Variants in PTPRD observed in about 807,000 individuals in gnomAD.
PTPRD encodes the protein protein tyrosine phosphatase receptor type D.
A neutral mutation model predicts 214.5 loss-of-function variants in PTPRD; 34 were observed. The observed-to-expected ratio is 0.16, with a 90% CI of 0.12 to 0.21. The LOEUF (loss-of-function observed/expected upper bound fraction) is 0.21, where lower values mean the gene tolerates loss of function less well. PTPRD is among the 10% of genes least tolerant of loss of function. The pLI is 1.00. For missense variants in PTPRD, 2,545 were observed against 2,398.7 expected (o/e 1.06, Z -1.27); for synonymous variants, 1,128 against 845.7 (o/e 1.33, Z -5.79).
intron 28 of PTPRD, 165 bp from the exon 29 acceptor site, chr9:8,485,489 T>C: frequency 1.6e-6 from 1 of 623,390 alleles, no homozygotes. Context: ...TACCCCATTC[T>C]CACAGAGATC....
chr9:9,514,004 C>G (rs547408285), intron 8 of PTPRD, among the ~76,000 whole-genome samples: 9 of 152,050 alleles, frequency 5.9e-5, no homozygotes, highest in Admixed American at 2.0e-4. Flanking sequence ...GTTGCCTAAA[C>G]AAATTGCTTT....
rs2138511714 is a variant in PTPRD at position 8,518,087 on chromosome 9, A to C, written c.1304T>G (p.Leu435Trp). ...QARMLSSTTI[L>W]VQWKEPEEPN... ...CTCTTCAGGTTCCTTCCACTGTACC[A>C]AAATGGTGGTCGAACTCAACATTCG... Residue 435 changes from leucine (L) to tryptophan (W), a missense_variant, in exon 21 of 46, where the codon TTG (leucine) becomes TGG (tryptophan). Leu to Trp is a moderately conservative substitution (Grantham distance 61). Transcript: ENST00000381196. 6.2e-7 allele frequency: 1 copy of C among 1,614,188 alleles called. No individual in the cohort carries two copies.
At chr9:9,469,771 G>C (rs1312293496) in intron 8 of PTPRD, among the ~76,000 whole-genome samples, 1 of 152,018 alleles carries the variant, frequency 6.6e-6, no homozygotes, top group Non-Finnish European at 1.5e-5. Context: ...GGAAGTGTCT[G>C]TTCTTATTAT....
At chr9:9,831,870 T>G (rs753108465) in intron 5 of PTPRD, among the ~76,000 whole-genome samples, 23 of 152,010 alleles carry the variant, frequency 1.5e-4, no homozygotes, top group Non-Finnish European at 3.1e-4. Context: ...ATATTCTTTA[T>G]GCTAATTTGA....
chr9:9,739,577 C>T (rs554346055), intron 6 of PTPRD, among the ~76,000 whole-genome samples: 10 of 151,916 alleles, frequency 6.6e-5, no homozygotes, highest in African/African-American at 2.2e-4. Flanking sequence ...CTTGAATCCT[C>T]TATTTTTTTT....
At chr9:8,440,075 G>T (rs1201114263) in intron 34 of PTPRD, among the ~76,000 whole-genome samples, 1 of 149,662 alleles carries the variant, frequency 6.7e-6, no homozygotes, top group African/African-American at 2.5e-5. Flanking sequence ...GATTCATGAT[G>T]GGGGGCCTAT....
intron 14 of PTPRD, among the ~76,000 whole-genome samples, chr9:8,589,301 A>G (rs1303741647): frequency 6.6e-6 from 1 of 152,276 alleles, no homozygotes; most frequent in Admixed American, 6.5e-5. Context: ...ACCGATAAAC[A>G]CTAAAAGTCA....
At chr9:9,686,269 C>T (rs1454514119) in intron 7 of PTPRD, among the ~76,000 whole-genome samples, 1 of 145,430 alleles carries the variant, frequency 6.9e-6, no homozygotes, top group African/African-American at 2.5e-5. Flanking sequence ...AATTAATCCT[C>T]TCATATTTGA....
At chr9:10,315,601 C>T (rs1226929896) in intron 3 of PTPRD, among the ~76,000 whole-genome samples, 1 of 151,894 alleles carries the variant, frequency 6.6e-6, no homozygotes, top group Non-Finnish European at 1.5e-5. Flanking sequence ...TTTAGAGTGT[C>T]TCAATTTTAC....
At chr9:10,324,051 A>G (rs185958987) in intron 3 of PTPRD, among the ~76,000 whole-genome samples, 2 of 152,226 alleles carry the variant, frequency 1.3e-5, no homozygotes, top group African/African-American at 4.8e-5. Flanking sequence ...ATTGGTTGCT[A>G]TATTGATTCA....
intron 35 of PTPRD, among the ~76,000 whole-genome samples, chr9:8,433,543 C>T (rs1296096623): frequency 6.6e-6 from 1 of 152,138 alleles, no homozygotes; most frequent in East Asian, 1.9e-4. Flanking sequence ...AGGCAGAAGA[C>T]AGTGATATTG....
intron 12 of PTPRD, among the ~76,000 whole-genome samples, chr9:8,673,773 C>T (rs1034503121): frequency 1.3e-5 from 2 of 152,114 alleles, no homozygotes; most frequent in East Asian, 1.9e-4. Context: ...ATTGGCATAA[C>T]GAGTGCACTG....
intron 14 of PTPRD, among the ~76,000 whole-genome samples, chr9:8,575,353 A>G (rs939401292): frequency 6.6e-5 from 10 of 152,144 alleles, no homozygotes; most frequent in African/African-American, 2.4e-4. Flanking sequence ...CGCTTACTTC[A>G]AATTTTCATA....
intron 2 of PTPRD, among the ~76,000 whole-genome samples, chr9:10,580,103 C>T (rs1242999735): frequency 6.6e-6 from 1 of 152,120 alleles, no homozygotes; most frequent in Non-Finnish European, 1.5e-5. Context: ...CAATGAAATA[C>T]TTCATGTGTG....
chr9:9,130,739 G>A (rs2099841362), intron 10 of PTPRD, among the ~76,000 whole-genome samples: 1 of 152,108 alleles, frequency 6.6e-6, no homozygotes, highest in Non-Finnish European at 1.5e-5. Flanking sequence ...GATAACGATT[G>A]AATGGAAATC....
intron 2 of PTPRD, among the ~76,000 whole-genome samples, chr9:10,533,743 C>T (rs1199225507): frequency 6.6e-6 from 1 of 151,608 alleles, no homozygotes; most frequent in Non-Finnish European, 1.5e-5. Flanking sequence ...AATCGACAGG[C>T]TAGTAAGAAT....
intron 2 of PTPRD, among the ~76,000 whole-genome samples, chr9:10,418,393 T>C (rs1212043488): frequency 2.0e-5 from 3 of 149,626 alleles, no homozygotes; most frequent in Non-Finnish European, 3.0e-5. Context: ...ATTGTGAGAG[T>C]TCTCTCTACT....
At chr9:9,196,416 T>C (rs2099938668) in intron 9 of PTPRD, among the ~76,000 whole-genome samples, 1 of 152,192 alleles carries the variant, frequency 6.6e-6, no homozygotes, top group African/African-American at 2.4e-5. Flanking sequence ...TCTGCCATGA[T>C]ATACCTTTTA....
At chr9:8,566,040 C>G (rs1056522168) in intron 14 of PTPRD, among the ~76,000 whole-genome samples, 1 of 150,882 alleles carries the variant, frequency 6.6e-6, no homozygotes, top group African/African-American at 2.4e-5. Flanking sequence ...AGAACAAAAT[C>G]ACCAGTGGAA....
Sources: gnomAD v4.1 joint callset for allele counts (sites outside exome capture counted in the v4.1 genomes callset) on GRCh38, gnomAD v4.1.1 for gene constraint, MANE v1.5 for transcripts, NCBI Gene and HGNC (gene_info 2026-07-23, HGNC 2026-07-21) for gene names.